Variants in PLCH1 observed in about 807,000 individuals in gnomAD.
The protein encoded by PLCH1 is phospholipase C eta 1.
A neutral mutation model predicts 126.7 loss-of-function variants in PLCH1; 60 were observed. The ratio of observed to expected loss-of-function variants is 0.47; its 90% CI spans 0.38 to 0.59. PLCH1 has a LOEUF of 0.59. PLCH1 is among the 20% of genes least tolerant of loss of function. The pLI is 0.00. For missense variants in PLCH1, 1,723 were observed against 2,040.0 expected, an observed-to-expected ratio of 0.84 and a Z score of 2.99; for synonymous variants, 719 against 734.9, an observed-to-expected ratio of 0.98 and a Z score of 0.35.
chr3:155,454,063 T>C (rs1217931383), intron 21 of PLCH1, among the ~76,000 whole-genome samples: 1 of 152,178 alleles, frequency 6.6e-6, no homozygotes, highest in Non-Finnish European at 1.5e-5. Flanking sequence ...ATAATAGTGA[T>C]ATAGTATAGC....
Position 155,549,902 on chromosome 3 carries a change from A to G in PLCH1, c.1247T>C (p.Ile416Thr), listed in dbSNP as rs1353302751. 6.2e-7 allele frequency: 1 copy of G among 1,613,822 alleles called. No homozygotes were observed. The change falls in exon 10 of 23, where the codon ATT (isoleucine) becomes ACT (threonine). Residue 416 changes from isoleucine to threonine, a missense_variant. Transcript: ENST00000460012. ...GAATATTCCTTTCAGGTACTGAGCA[A>G]TCTTCCTTTGCTGCTGGATACTGCA... ...NHCSIQQQRK[I>T]AQYLKGIFGD...
chr3:155,524,078 G>A (rs1721577401), intron 10 of PLCH1, 74 bp from the exon 11 acceptor site: 3 of 872,870 alleles, frequency 3.4e-6, no homozygotes, highest in South Asian at 2.8e-5. Flanking sequence ...AGTAACCCAA[G>A]CATCCATTGA....
chr3:155,474,326 A>T (rs1209066743), intron 21 of PLCH1, among the ~76,000 whole-genome samples: 2 of 149,934 alleles, frequency 1.3e-5, no homozygotes, highest in African/African-American at 2.4e-5. Flanking sequence ...ACATGAAAAA[A>T]TGCTCATCAT....
At chr3:155,696,979 T>C (rs987674456) in intron 2 of PLCH1, among the ~76,000 whole-genome samples, 2 of 152,216 alleles carry the variant, frequency 1.3e-5, no homozygotes, top group Non-Finnish European at 2.9e-5. Context: ...GGGCTTCCCA[T>C]ACATCCAGAT....
Position 155,564,126 on chromosome 3 carries a change from A to T in PLCH1, c.1069+789T>A, listed in dbSNP as rs187355435. On this transcript the variant is annotated intron_variant, in intron 8 of 22. Coordinates refer to ENST00000460012, the MANE Select transcript of PLCH1 (RefSeq NM_014996.4). ...CCATGCCTGGTTTATATTATTTTAT[A>T]AAAAAAATGTTCATCCCTTCTACTA... Among the ~76,000 whole-genome samples, 827 of 143,660 alleles carry T rather than the reference A, an allele frequency of 5.8e-3. 2 individuals are homozygous for T. The highest frequency in any genetic ancestry group is 8.6e-3 in the Admixed American group (128 of 14,952). 94.2% of individuals were successfully genotyped at this position (143,660 alleles called of 152,430 possible).
At chr3:155,539,239 T>C (rs112331240) in intron 10 of PLCH1, among the ~76,000 whole-genome samples, 28,820 of 152,008 alleles carry the variant, frequency 0.19, 3,342 homozygotes, top group African/African-American at 0.32. Flanking sequence ...AAAATCGGCA[T>C]AGAAGGGACA....
At chr3:155,552,378 T>C (rs894594545) in intron 9 of PLCH1, among the ~76,000 whole-genome samples, 6 of 152,326 alleles carry the variant, frequency 3.9e-5, no homozygotes, top group African/African-American at 1.4e-4. Flanking sequence ...GAGGGTGCTA[T>C]ATGATATGAC....
At chr3:155,488,556 A>G in intron 20 of PLCH1, 104 bp downstream of exon 20, 4 of 1,002,996 alleles carry the variant, frequency 4.0e-6, no homozygotes, top group Non-Finnish European at 5.8e-6. Flanking sequence ...TACATGACAC[A>G]TATTTTATCA....
chr3:155,460,900 G>A (rs949993325), intron 21 of PLCH1, among the ~76,000 whole-genome samples: 3 of 152,140 alleles, frequency 2.0e-5, no homozygotes, highest in African/African-American at 4.8e-5. Context: ...CACAATTGCA[G>A]CTTCTGTGCT....
At chr3:155,690,271 T>C (rs570307155) in intron 2 of PLCH1, among the ~76,000 whole-genome samples, 1 of 152,314 alleles carries the variant, frequency 6.6e-6, no homozygotes, top group African/African-American at 2.4e-5. Flanking sequence ...TACTCAGAGG[T>C]TTATAATTCA....
chr3:155,581,183 T>C (rs753113817), intron 6 of PLCH1, among the ~76,000 whole-genome samples: 1 of 152,202 alleles, frequency 6.6e-6, no homozygotes. Flanking sequence ...CAATGTTTAA[T>C]TCACTGGGGT....
chr3:155,476,731 A>G (rs1713562094), downstream of PLCH1, among the ~76,000 whole-genome samples: 1 of 152,012 alleles, frequency 6.6e-6, no homozygotes, highest in Admixed American at 6.6e-5. Context: ...ACTATAAAAC[A>G]CTGATGAAGG....
At chr3:155,513,857 A>G (rs2108233933) in intron 12 of PLCH1, among the ~76,000 whole-genome samples, 1 of 152,294 alleles carries the variant, frequency 6.6e-6, no homozygotes, top group Non-Finnish European at 1.5e-5. Context: ...CAGGAAGGAC[A>G]CTTACCCATG....
chr3:155,635,876 T>C (rs1738663172), intron 2 of PLCH1, among the ~76,000 whole-genome samples: 1 of 152,226 alleles, frequency 6.6e-6, no homozygotes, highest in Non-Finnish European at 1.5e-5. Flanking sequence ...GACAAATTGC[T>C]TAAAAGATAA....
At chr3:155,722,994 T>C (rs1243440190) in intron 1 of PLCH1, among the ~76,000 whole-genome samples, 1 of 152,232 alleles carries the variant, frequency 6.6e-6, no homozygotes, top group Non-Finnish European at 1.5e-5. Flanking sequence ...CATTTCAATC[T>C]TGCTATTTGT....
intron 10 of PLCH1, among the ~76,000 whole-genome samples, chr3:155,546,016 T>G (rs1272560703): frequency 5.3e-5 from 8 of 151,934 alleles, no homozygotes; most frequent in African/African-American, 1.9e-4. Context: ...CTATTCAACA[T>G]AGTGTTGGAA....
At chr3:155,598,038 G>A (rs1330558854) in intron 2 of PLCH1, among the ~76,000 whole-genome samples, 1 of 151,966 alleles carries the variant, frequency 6.6e-6, no homozygotes, top group East Asian at 1.9e-4. Context: ...ACAAAAATTA[G>A]CCAGGCGTGG....
intron 4 of PLCH1, among the ~76,000 whole-genome samples, chr3:155,587,704 T>C (rs528175381): frequency 1.3e-5 from 2 of 152,352 alleles, no homozygotes; most frequent in East Asian, 1.9e-4. Flanking sequence ...TCATGTGAAC[T>C]GAAATTTTAA....
intron 6 of PLCH1, among the ~76,000 whole-genome samples, chr3:155,574,382 A>G (rs1166133989): frequency 6.6e-6 from 1 of 152,164 alleles, no homozygotes; most frequent in East Asian, 1.9e-4. Context: ...TCATGTAACT[A>G]ACATCAATTT....
Sources: allele counts gnomAD v4.1 joint callset (sites outside exome capture counted in the v4.1 genomes callset), GRCh38; gene constraint gnomAD v4.1.1; transcripts MANE v1.5; gene names NCBI Gene and HGNC (gene_info 2026-07-23, HGNC 2026-07-21).